Variants in SCAPER observed in about 807,000 individuals in gnomAD.
SCAPER encodes S phase cyclin A-associated protein in the endoplasmic reticulum.
Under a neutral mutation model 182.2 loss-of-function variants are expected in SCAPER, and 98 were observed. That is an observed-to-expected ratio of 0.54 (90% CI 0.46 to 0.64). SCAPER has a LOEUF of 0.64. Ranked by LOEUF, SCAPER falls within the 30% of genes least tolerant of loss-of-function variation. The pLI is 0.00. For synonymous variants in SCAPER, 605 were observed against 564.6 expected (o/e 1.07, Z -1.01); for missense variants, 1,432 against 1,690.0 (o/e 0.85, Z 2.68).
chr15:76,765,101 C>A, intron 13 of SCAPER, 29 bp from the exon 14 acceptor site: 1 of 1,446,404 alleles, frequency 6.9e-7, no homozygotes, highest in Non-Finnish European at 9.4e-7. Context: ...GGACAAGAGA[C>A]ATGAAATGTT....
chr15:76,609,708 T>C (rs940271632), intron 22 of SCAPER, among the ~76,000 whole-genome samples: 14 of 152,236 alleles, frequency 9.2e-5, no homozygotes, highest in African/African-American at 3.4e-4. Context: ...TGTCAGATTT[T>C]TGAAAGATGG....
intron 15 of SCAPER, chr15:76,736,601 C>G (rs1374800745): frequency 1.3e-5 from 2 of 152,328 alleles, no homozygotes; most frequent in African/African-American, 4.8e-5. Flanking sequence ...GTTTCCATCT[C>G]AAGAAACCAC....
At chr15:76,674,102 T>C (rs1598080265) in intron 20 of SCAPER, among the ~76,000 whole-genome samples, 1 of 152,034 alleles carries the variant, frequency 6.6e-6, no homozygotes, top group African/African-American at 2.4e-5. Context: ...CTGTACTCAG[T>C]AGCCAAATAG....
chr15:76,456,852 C>G (rs2048774083), intron 25 of SCAPER, among the ~76,000 whole-genome samples: 1 of 152,150 alleles, frequency 6.6e-6, no homozygotes, highest in Non-Finnish European at 1.5e-5. Flanking sequence ...GGCAATGCCT[C>G]TTTGCATACT....
chr15:76,637,740 A>ATG (rs1254798421), intron 21 of SCAPER, among the ~76,000 whole-genome samples: 7 of 31,930 alleles, frequency 2.2e-4, no homozygotes, highest in South Asian at 1.4e-3. Flanking sequence ...ATATATATAT[A>ATG]TATGTGTGTG....
intron 30 of SCAPER, 37 bp downstream of exon 30, chr15:76,353,912 C>A: frequency 6.8e-7 from 1 of 1,463,878 alleles, no homozygotes; most frequent in South Asian, 1.5e-5. Context: ...TTAGTTTACA[C>A]ACAAAGCTAG....
At chr15:76,481,619 C>T (rs1180469866) in intron 24 of SCAPER, among the ~76,000 whole-genome samples, 1 of 152,198 alleles carries the variant, frequency 6.6e-6, no homozygotes, top group Non-Finnish European at 1.5e-5. Flanking sequence ...GAAATCACCA[C>T]TCAGGTCCAG....
At chr15:76,584,410 T>C (rs1429717623) in intron 22 of SCAPER, among the ~76,000 whole-genome samples, 6 of 152,174 alleles carry the variant, frequency 3.9e-5, no homozygotes, top group African/African-American at 9.7e-5. Context: ...CAGAGTATAA[T>C]TGGATAGTTT....
intron 5 of SCAPER, among the ~76,000 whole-genome samples, chr15:76,812,481 C>A: frequency 9.3e-5 from 2 of 21,618 alleles, no homozygotes; most frequent in Non-Finnish European, 1.1e-4. Flanking sequence ...GAGTGAGACT[C>A]TGAAAAAAAA....
intron 23 of SCAPER, among the ~76,000 whole-genome samples, chr15:76,544,541 A>G (rs552922132): frequency 1.3e-5 from 2 of 152,296 alleles, no homozygotes; most frequent in East Asian, 3.9e-4. Flanking sequence ...AAATTTATCT[A>G]ATGTGAAAGA....
chr15:76,901,645 C>T (rs1270380668), intron 1 of SCAPER, among the ~76,000 whole-genome samples: 1 of 152,150 alleles, frequency 6.6e-6, no homozygotes, highest in African/African-American at 2.4e-5. Flanking sequence ...AAGAAGTTAT[C>T]ATTTTAGCAA....
chr15:76,368,237 C>CATCT (rs1240184452), intron 29 of SCAPER, among the ~76,000 whole-genome samples: 3 of 152,168 alleles, frequency 2.0e-5, no homozygotes, highest in African/African-American at 7.2e-5. Context: ...TAGGACTGAC[C>CATCT]ATCTGCCTTT....
At chr15:76,481,044 T>C (rs2051092978) in intron 24 of SCAPER, among the ~76,000 whole-genome samples, 1 of 152,232 alleles carries the variant, frequency 6.6e-6, no homozygotes, top group Non-Finnish European at 1.5e-5. Context: ...TATTCTACTT[T>C]TTAATGCTGA....
At chr15:76,532,609 T>C (rs1371853039) in intron 23 of SCAPER, among the ~76,000 whole-genome samples, 4 of 152,182 alleles carry the variant, frequency 2.6e-5, no homozygotes, top group African/African-American at 9.7e-5. Flanking sequence ...CAGAAAGTAA[T>C]CTGAGGGCCT....
intron 2 of SCAPER, among the ~76,000 whole-genome samples, chr15:76,871,662 T>C (rs1465778441): frequency 6.8e-6 from 1 of 147,012 alleles, no homozygotes; most frequent in East Asian, 2.2e-4. Context: ...AGCCTCTGCC[T>C]CCTGGGTTCA....
At chr15:76,876,312 C>T (rs1484495684) in intron 2 of SCAPER, among the ~76,000 whole-genome samples, 1 of 152,044 alleles carries the variant, frequency 6.6e-6, no homozygotes, top group Non-Finnish European at 1.5e-5. Flanking sequence ...GAGTGGACGT[C>T]GAGGCCGAGG....
At chr15:76,804,758 G>GT (rs1383227837) in intron 5 of SCAPER, 125 bp from the exon 6 acceptor site, 5 of 482,222 alleles carry the variant, frequency 1.0e-5, no homozygotes, top group Non-Finnish European at 1.4e-5. Context: ...AAAAAGCTGC[G>GT]TAAGTTACAG....
chr15:76,424,245 G>A (rs954511663), intron 26 of SCAPER, among the ~76,000 whole-genome samples: 1 of 152,106 alleles, frequency 6.6e-6, no homozygotes, highest in Admixed American at 6.5e-5. Context: ...ATTATTGTGT[G>A]GGAGTCTAAG....
chr15:76,465,688 G>T lies in SCAPER; in HGVS notation c.3078+5524C>A, dbSNP rs115475684. ...GTTTTCCCCTATGTTTTAATTTGGAGTTTTTTTAGTTCAAGTCTTACATTT... is the reference window on the plus strand; with the variant it reads ...GTTTTCCCCTATGTTTTAATTTGGATTTTTTTTAGTTCAAGTCTTACATTT... On this transcript the variant is annotated intron_variant, in intron 25 of 31. Coordinates refer to ENST00000563290, the MANE Select transcript of SCAPER (RefSeq NM_020843.4). Among the ~76,000 whole-genome samples, 1,241 of 152,112 alleles carry T rather than the reference G, an allele frequency of 8.2e-3. 11 individuals carry two copies. The highest frequency in any genetic ancestry group is 0.028 in the African/African-American group (1,177 of 41,496).
Sources: gnomAD v4.1 joint callset for allele counts (sites outside exome capture counted in the v4.1 genomes callset) on GRCh38, gnomAD v4.1.1 for gene constraint, MANE v1.5 for transcripts, NCBI Gene and HGNC (gene_info 2026-07-23, HGNC 2026-07-21) for gene names.